CCL3L3: variants seen among roughly 807,000 people sequenced by gnomAD.
CCL3L3 encodes C-C motif chemokine ligand 3 like 3, also known as C-C motif chemokine 3-like 1.
Under a neutral mutation model 9.0 loss-of-function variants are expected in CCL3L3, and 6 were observed. The observed-to-expected ratio is 0.67, with a 90% CI of 0.37 to 1.32. CCL3L3 has a LOEUF of 1.32. Ranked by LOEUF, CCL3L3 falls within the 40% of genes most tolerant of loss-of-function variation. CCL3L3 has a pLI of 0.02. For missense variants in CCL3L3, 93 were observed against 117.0 expected (o/e 0.79, Z 0.95); for synonymous variants, 38 against 45.7 (o/e 0.83, Z 0.68).
At chr17:36,196,168 A>G in intron 1 of CCL3L3, 4 of 629,750 alleles carry the variant, frequency 6.4e-6, no homozygotes, top group Non-Finnish European at 1.1e-5. Flanking sequence ...TCTTCATGGA[A>G]TTTTGTCGGT....
In CCL3L3 at chr17:36,196,655, C is replaced by A; in HGVS notation, c.19G>T (p.Ala7Ser). 6.3e-7 allele frequency: 1 copy of A among 1,580,968 alleles called. No homozygotes were observed. Among genetic ancestry groups the A allele is most frequent in the Non-Finnish European group, 8.6e-7 (1 of 1,156,352 alleles). ...ATGGTGCAGAGGAGGACGGCAAGGG[C>A]AGCAGTGGAGACCTGCATGATTGGG... MQVSTA[A>S]LAVLLCTMAL... is the part of the protein sequence containing the mutation. Residue 7 changes from alanine (A) to serine (S), a missense_variant, in exon 1 of 3, where the codon GCC becomes TCC. Ala to Ser is a moderately conservative substitution (Grantham distance 99). Transcript: ENST00000619989.
At position 36,196,749 on chromosome 17, in the gene CCL3L3, G is replaced by A; in HGVS notation, c.-76C>T. 22 of 1,473,636 alleles carry A rather than the reference G, an allele frequency of 1.5e-5. 4 individuals are homozygous for A. The highest frequency in any genetic ancestry group is 1.8e-5 in the Non-Finnish European group (19 of 1,064,282). The allele number at this position is 1,473,636 out of a possible 1,614,324, so 91.3% of individuals were successfully genotyped here. ...AGGGACTGACTACTCTTTGCTGCCT[G>A]CGTCCTTCTGATGTCTGAAGCCATC... On this transcript the variant is annotated 5_prime_UTR_variant, in exon 1 of 3. Transcript: ENST00000619989.
intron 1 of CCL3L3, 100 bp from the exon 2 acceptor site, chr17:36,196,012 C>T: frequency 8.1e-7 from 1 of 1,232,212 alleles, no homozygotes; most frequent in Non-Finnish European, 1.1e-6. Context: ...CTTGCTCAGA[C>T]CAAGTGACTG....
At chr17:36,196,336 C>T (rs1397477996) in intron 1 of CCL3L3, 7 of 679,544 alleles carry the variant, frequency 1.0e-5, no homozygotes, top group African/African-American at 5.1e-5. Flanking sequence ...CAAACTGATT[C>T]GTTTTGAACC....
chr17:36,196,361 G>A, intron 1 of CCL3L3: 2 of 704,418 alleles, frequency 2.8e-6, no homozygotes, highest in South Asian at 1.5e-5. Context: ...TTTTCTATCT[G>A]TACAAGGGAC....
intron 2 of CCL3L3, chr17:36,195,595 T>A: frequency 9.8e-7 from 1 of 1,024,180 alleles, no homozygotes; most frequent in Non-Finnish European, 1.5e-6. Context: ...GTCCCTTTCC[T>A]CTGGCCTGGG....
At chr17:36,195,665 C>G (rs2068613025) in intron 2 of CCL3L3, 133 bp downstream of exon 2, 2 of 1,267,822 alleles carry the variant, frequency 1.6e-6, no homozygotes, top group Non-Finnish European at 2.3e-6. Flanking sequence ...GGTCACACCT[C>G]AGTGCCCTGC....
chr17:36,195,989 T>C, intron 1 of CCL3L3, 77 bp from the exon 2 acceptor site: 1 of 1,366,684 alleles, frequency 7.3e-7, no homozygotes, highest in African/African-American at 1.6e-5. Flanking sequence ...CCTGAGTGGT[T>C]GAGGAGGGCA....
intron 1 of CCL3L3, chr17:36,196,154 G>C: frequency 1.6e-6 from 1 of 635,324 alleles, no homozygotes; most frequent in South Asian, 1.8e-5. Context: ...TGTTCTCTTA[G>C]CTCTCTTCAT....
chr17:36,194,908 C>T lies in CCL3L3; in HGVS notation c.*378G>A, dbSNP rs1301096841. The T allele has an allele frequency of 8.9e-5, 21 of 237,044 alleles. No individual in the cohort carries two copies. Among genetic ancestry groups the T allele is most frequent in the Admixed American group, 7.4e-4 (15 of 20,158 alleles). 14.7% of individuals were successfully genotyped at this position (237,044 alleles called of 1,614,324 possible). A position where few individuals can be genotyped will look rare whatever the true frequency, so the allele number is the denominator to read the frequency against. On this transcript the variant is annotated 3_prime_UTR_variant, in exon 3 of 3. Coordinates refer to ENST00000619989, the MANE Select transcript of CCL3L3 (RefSeq NM_001001437.4). ...GAACATCTTTATTATTTCCCCAGGCCGATCACAGCCCTGAACAAAAGCATC... is the reference window on the plus strand; with the variant it reads ...GAACATCTTTATTATTTCCCCAGGCTGATCACAGCCCTGAACAAAAGCATC...
At chr17:36,195,961 G>A in intron 1 of CCL3L3, 49 bp from the exon 2 acceptor site, 1 of 1,209,004 alleles carries the variant, frequency 8.3e-7, no homozygotes, top group Non-Finnish European at 1.1e-6. Flanking sequence ...AGAAGAAAAG[G>A]CCAGGCAGCT....
chr17:36,196,224 A>C, intron 1 of CCL3L3: 1 of 640,360 alleles, frequency 1.6e-6, no homozygotes, highest in Non-Finnish European at 2.9e-6. Context: ...GACATCTCTC[A>C]TAAGACATCC....
In CCL3L3 at chr17:36,195,662, C is replaced by A. The variant is rs1187304110; in HGVS notation, c.191+136G>T. 2.9e-5 allele frequency: 36 copies of A among 1,257,956 alleles called. 2 individuals are homozygous for A. The highest frequency in any genetic ancestry group is 4.1e-5 in the Non-Finnish European group (35 of 861,860). The allele number at this position is 1,257,956 out of a possible 1,614,324, so 77.9% of individuals were successfully genotyped here. The stretch of plus-strand genomic sequence containing the variant: ...CACTCCAGCCCCAAGTCAGGTCACA[C>A]CTCAGTGCCCTGCGTCCTGTATCCC... On this transcript the variant is annotated intron_variant, in intron 2 of 2. Coordinates refer to ENST00000619989, the MANE Select transcript of CCL3L3 (RefSeq NM_001001437.4).
At chr17:36,196,466 G>T in intron 1 of CCL3L3, 132 bp downstream of exon 1, 1 of 1,142,428 alleles carries the variant, frequency 8.8e-7, no homozygotes, top group South Asian at 1.3e-5. Context: ...TGAAGAAAAA[G>T]ACCAAGGTGT....
Position 36,196,684 on chromosome 17 carries a change from A to T in CCL3L3, c.-11T>A, listed in dbSNP as rs1440630606. ...AGTGGAGACCTGCATGATTGGGAGC[A>T]GGTGATGGAATGTGGGCTCGAGTGT... On this transcript the variant is annotated 5_prime_UTR_variant, in exon 1 of 3. Transcript: ENST00000619989. The T allele has an allele frequency of 1.9e-6, 3 of 1,580,320 alleles. No individual in the cohort carries two copies. The highest frequency in any genetic ancestry group is 4.5e-5 in the East Asian group (2 of 44,618).
chr17:36,195,410 G>A, intron 2 of CCL3L3, 34 bp from the exon 3 acceptor site: 3 of 1,521,856 alleles, frequency 2.0e-6, no homozygotes, highest in Non-Finnish European at 2.7e-6. Context: ...AAGCACTGGG[G>A]AATCCAGCCG....
At position 36,196,636 on chromosome 17, in the gene CCL3L3, C is replaced by T. The variant is rs1238772919; in HGVS notation, c.38G>A (p.Cys13Tyr). The change falls in exon 1 of 3, where the codon TGC becomes TAC. Residue 13 changes from cysteine to tyrosine, a missense_variant. Transcript: ENST00000619989. ...VSTAALAVLL[C>Y]TMALCNQVLS... ...GACCTGGTTGCAGAGAGCCATGGTG[C>T]AGAGGAGGACGGCAAGGGCAGCAGT... 3 of 1,580,912 alleles carry T rather than the reference C, an allele frequency of 1.9e-6. No individual in the cohort carries two copies. The highest frequency in any genetic ancestry group is 2.6e-6 in the Non-Finnish European group (3 of 1,156,392).
At chr17:36,196,104 G>A (rs2068618414) in intron 1 of CCL3L3, 192 bp from the exon 2 acceptor site, 3 of 696,702 alleles carry the variant, frequency 4.3e-6, no homozygotes, top group East Asian at 5.2e-5. Flanking sequence ...TTCATAGTGG[G>A]TTCTCTGTTT....
In CCL3L3 at chr17:36,194,890, T is replaced by C. The variant is rs1333539345; in HGVS notation, c.*396A>G. ...CTGGTTTACCGTTTAAAAGAACATCTTTATTATTTCCCCAGGCCGATCACA... is the reference window on the plus strand; with the variant it reads ...CTGGTTTACCGTTTAAAAGAACATCCTTATTATTTCCCCAGGCCGATCACA... On this transcript the variant is annotated 3_prime_UTR_variant, in exon 3 of 3. Coordinates refer to ENST00000619989, the MANE Select transcript of CCL3L3 (RefSeq NM_001001437.4). 8 of 214,804 alleles carry C rather than the reference T, an allele frequency of 3.7e-5. 1 individual carries two copies. The highest frequency in any genetic ancestry group is 8.2e-5 in the Non-Finnish European group (8 of 97,950). 13.3% of individuals were successfully genotyped at this position (214,804 alleles called of 1,614,324 possible). A position where few individuals can be genotyped will look rare whatever the true frequency, so the allele number is the denominator to read the frequency against.
Sources: allele counts gnomAD v4.1 joint callset, GRCh38; gene constraint gnomAD v4.1.1; transcripts MANE v1.5; gene names NCBI Gene and HGNC (gene_info 2026-07-23, HGNC 2026-07-21).